The following ROBO1 variants were observed in gnomAD, a reference collection of about 807,000 sequenced individuals.
ROBO1 encodes the protein roundabout guidance receptor 1.
In ROBO1, 149 loss-of-function variants were observed where a neutral mutation model predicts 195.9. The ratio of observed to expected loss-of-function variants is 0.76; its 90% CI spans 0.67 to 0.87. ROBO1 has a LOEUF of 0.87. ROBO1 is among the 40% of genes least tolerant of loss of function. The pLI is 0.00. For synonymous variants in ROBO1, 816 were observed against 733.2 expected (o/e 1.11, Z -1.82); for missense variants, 1,933 against 2,068.3 (o/e 0.93, Z 1.27).
intron 3 of ROBO1, among the ~76,000 whole-genome samples, chr3:78,984,710 G>C (rs2077067138): frequency 6.6e-6 from 1 of 152,146 alleles, no homozygotes; most frequent in African/African-American, 2.4e-5. Context: ...AGCTGGCTAA[G>C]AGATGAGACT....
At position 78,711,418 on chromosome 3, in the gene ROBO1, T is replaced by C. The variant is rs1345277200; in HGVS notation, c.1045+2979A>G. On this transcript the variant is annotated intron_variant, in intron 8 of 30. Transcript: ENST00000464233. ...TCCTTCCTTTCTTTCTTTCTTTCTTTCTTTCTTTCTTTCTTTCTTTCTTTC... is the reference window on the plus strand; with the variant it reads ...TCCTTCCTTTCTTTCTTTCTTTCTTCCTTTCTTTCTTTCTTTCTTTCTTTC... Among the ~76,000 whole-genome samples the C allele has an allele frequency of 7.4e-3, 708 of 96,244 alleles. 4 individuals carry two copies. Among genetic ancestry groups the C allele is most frequent in the Non-Finnish European group, 9.2e-3 (452 of 48,964 alleles). The allele number at this position is 96,244 out of a possible 152,430, so 63.1% of individuals were successfully genotyped here.
At chr3:78,934,473 G>A (rs571562140) in intron 4 of ROBO1, among the ~76,000 whole-genome samples, 5 of 151,584 alleles carry the variant, frequency 3.3e-5, no homozygotes, top group Admixed American at 3.3e-4. Context: ...AAGGAAACAA[G>A]GAATATTTTA....
rs926191162 is a variant in ROBO1 at position 78,662,096 on chromosome 3, T to G, written c.1985A>C (p.Gln662Pro). 6.4e-7 allele frequency: 1 copy of G among 1,565,010 alleles called. No homozygotes were observed. Among genetic ancestry groups the G allele is most frequent in the Non-Finnish European group, 8.7e-7 (1 of 1,154,032 alleles). The change falls in exon 15 of 31, where the codon CAG becomes CCG. Residue 662 changes from glutamine to proline, a missense_variant. By Grantham distance (76) the Gln-to-Pro change is moderately conservative. This residue lies in a region of ROBO1 where 1,737 missense variants were observed against 1,882.5 expected (regional missense o/e 0.92). Coordinates refer to ENST00000464233, the MANE Select transcript of ROBO1 (RefSeq NM_002941.4). ...CTGGACCTGCTTGTGGTCCACCCCC[T>G]GACTTGTTGGTAGGACATCTACAAC... ...VKTQDVLPTSQGVDHKQVQRE... is the reference protein window; with the variant it reads ...VKTQDVLPTSPGVDHKQVQRE...
At chr3:79,574,281 T>G (rs1943375265) in intron 2 of ROBO1, among the ~76,000 whole-genome samples, 1 of 152,054 alleles carries the variant, frequency 6.6e-6, no homozygotes. Flanking sequence ...ATCTTTCAAC[T>G]GGATCACGCG....
At chr3:79,577,869 G>C (rs576673179) in intron 2 of ROBO1, among the ~76,000 whole-genome samples, 3 of 151,680 alleles carry the variant, frequency 2.0e-5, no homozygotes, top group Non-Finnish European at 4.4e-5. Flanking sequence ...CGGAGAGCGC[G>C]CCACCGCCCT....
At chr3:79,071,581 A>G (rs1415084938) in intron 3 of ROBO1, among the ~76,000 whole-genome samples, 2 of 151,596 alleles carry the variant, frequency 1.3e-5, no homozygotes, top group East Asian at 3.9e-4. Context: ...GGTGTCCTGT[A>G]TGTCTTTAAT....
Position 79,082,466 on chromosome 3 carries a change from G to A in ROBO1, c.172+42990C>T, listed in dbSNP as rs114209777. On this transcript the variant is annotated intron_variant, in intron 3 of 30. Coordinates refer to ENST00000464233, the MANE Select transcript of ROBO1 (RefSeq NM_002941.4). Reference sequence around the variant, plus strand: ...TCTCATAATATTGGATGCATTATAAGTTCAATATATGATAATCACCACATA... The same window carrying A: ...TCTCATAATATTGGATGCATTATAAATTCAATATATGATAATCACCACATA... Among the ~76,000 whole-genome samples the A allele has an allele frequency of 1.4e-3, 206 of 152,132 alleles. 1 individual carries two copies. Among genetic ancestry groups the A allele is most frequent in the African/African-American group, 4.8e-3 (198 of 41,512 alleles).
chr3:79,114,786 CAT>C (rs1037629444), intron 3 of ROBO1, among the ~76,000 whole-genome samples: 14 of 152,142 alleles, frequency 9.2e-5, no homozygotes, highest in African/African-American at 3.4e-4. Flanking sequence ...TTGGAAGAAA[CAT>C]ATTCCACATC....
chr3:78,884,648 A>AAAGAAAGAAAGG (rs1491545436), intron 4 of ROBO1, among the ~76,000 whole-genome samples: 5 of 107,528 alleles, frequency 4.6e-5, no homozygotes, highest in African/African-American at 1.9e-4. Context: ...AGAAAGAAAG[A>AAAGAAAGAAAGG]AAGGAAGGAA....
intron 8 of ROBO1, among the ~76,000 whole-genome samples, chr3:78,704,020 G>T (rs112220840): frequency 0.015 from 2,207 of 151,874 alleles, 43 homozygotes; most frequent in African/African-American, 0.051. Context: ...ATAAAGCCTT[G>T]GGGGGGTCTC....
intron 4 of ROBO1, among the ~76,000 whole-genome samples, chr3:78,903,215 T>A (rs527524195): frequency 6.6e-6 from 1 of 152,276 alleles, no homozygotes; most frequent in African/African-American, 2.4e-5. Flanking sequence ...GGTGCATTTT[T>A]AATCCTTTTT....
intron 4 of ROBO1, among the ~76,000 whole-genome samples, chr3:78,786,441 T>G (rs986953559): frequency 6.6e-6 from 1 of 152,150 alleles, no homozygotes; most frequent in African/African-American, 2.4e-5. Flanking sequence ...ATATTTCAGA[T>G]TATTATTTTA....
At chr3:79,605,480 T>C (rs1044676525) in intron 1 of ROBO1, among the ~76,000 whole-genome samples, 5 of 151,980 alleles carry the variant, frequency 3.3e-5, no homozygotes, top group South Asian at 4.1e-4. Context: ...GAATTTAACA[T>C]ATTCAAACTT....
chr3:79,271,438 G>A (rs1125738), intron 2 of ROBO1, among the ~76,000 whole-genome samples: 1 of 151,916 alleles, frequency 6.6e-6, no homozygotes, highest in African/African-American at 2.4e-5. Context: ...GAAGCTCTTT[G>A]CCTTAAGTGG....
At chr3:78,775,256 C>G (rs1008809466) in intron 4 of ROBO1, among the ~76,000 whole-genome samples, 40 of 152,234 alleles carry the variant, frequency 2.6e-4, no homozygotes, top group Non-Finnish European at 7.4e-5. Flanking sequence ...CAGTTATATC[C>G]CACTAGCTCA....
At chr3:79,697,962 ATAAAT>A (rs1947496176) in intron 1 of ROBO1, among the ~76,000 whole-genome samples, 2 of 151,556 alleles carry the variant, frequency 1.3e-5, no homozygotes, top group Admixed American at 1.3e-4. Context: ...TTTTTAAAAC[ATAAAT>A]TAAAAAATGT....
At chr3:79,142,482 C>T (rs2080548821) in intron 2 of ROBO1, among the ~76,000 whole-genome samples, 1 of 152,120 alleles carries the variant, frequency 6.6e-6, no homozygotes, top group East Asian at 1.9e-4. Flanking sequence ...CTTCCTTCTG[C>T]ACCCTCTGCT....
chr3:79,626,135 A>G (rs956749796), intron 1 of ROBO1, among the ~76,000 whole-genome samples: 1 of 152,190 alleles, frequency 6.6e-6, no homozygotes. Flanking sequence ...CTTCGATAAA[A>G]TTCAACATCC....
At chr3:79,755,971 T>G (rs1704372900) in intron 1 of ROBO1, among the ~76,000 whole-genome samples, 1 of 152,246 alleles carries the variant, frequency 6.6e-6, no homozygotes, top group Non-Finnish European at 1.5e-5. Flanking sequence ...ATCTACCTAC[T>G]GCATTTGGCT....
Sources: allele counts gnomAD v4.1 joint callset (sites outside exome capture counted in the v4.1 genomes callset), GRCh38; gene constraint gnomAD v4.1.1; regional missense constraint gnomAD v4.1.1; transcripts MANE v1.5; gene names NCBI Gene and HGNC (gene_info 2026-07-23, HGNC 2026-07-21).